The following LGALS8 variants were observed in gnomAD, a reference collection of about 807,000 sequenced individuals.
LGALS8 encodes the protein galectin 8, also known as galectin-8.
LGALS8 carries 30 observed loss-of-function variants against 35.9 expected under a neutral mutation model. That is an observed-to-expected ratio of 0.83 (90% CI 0.62 to 1.13). LGALS8 has a LOEUF of 1.13. Ranked by LOEUF, LGALS8 falls within the 50% of genes most tolerant of loss-of-function variation. The pLI, the probability that LGALS8 is intolerant of heterozygous loss-of-function variation, is 0.00. For synonymous variants in LGALS8, 138 were observed against 136.1 expected (o/e 1.01, Z -0.10); for missense variants, 366 against 388.7 (o/e 0.94, Z 0.49).
chr1:236,538,851 T>G (rs771066255), intron 3 of LGALS8, 28 bp from the exon 4 acceptor site: 1 of 1,572,574 alleles, frequency 6.4e-7, no homozygotes, highest in Admixed American at 1.7e-5. Flanking sequence ...TGAGCACTCA[T>G]GGGGCCCCTG....
intron 2 of LGALS8, among the ~76,000 whole-genome samples, chr1:236,527,211 C>G (rs2103068382): frequency 6.6e-6 from 1 of 152,318 alleles, no homozygotes; most frequent in East Asian, 1.9e-4. Context: ...AAAGGTTACA[C>G]TGTTCATTTC....
chr1:236,542,505 G>A, intron 6 of LGALS8: 1 of 539,764 alleles, frequency 1.9e-6, no homozygotes, highest in Non-Finnish European at 3.3e-6. Flanking sequence ...ATAGTTCTAT[G>A]AAAAATTATT....
chr1:236,521,037 A>C (rs1319281176), upstream of LGALS8, among the ~76,000 whole-genome samples: 1 of 152,198 alleles, frequency 6.6e-6, no homozygotes, highest in Admixed American at 6.5e-5. Context: ...CTCCCAATTT[A>C]ATCTTCTCTA....
intron 4 of LGALS8, 36 bp downstream of exon 4, chr1:236,539,125 A>G: frequency 1.3e-6 from 2 of 1,509,782 alleles, no homozygotes; most frequent in Non-Finnish European, 1.8e-6. Flanking sequence ...AGTCCTCATT[A>G]GTGAGCAGGA....
chr1:236,550,731 T>C lies in LGALS8; in HGVS notation c.*2570T>C, dbSNP rs1572026547. The C allele has an allele frequency of 1.8e-6, 1 of 557,136 alleles. No homozygotes were observed. The highest frequency in any genetic ancestry group is 3.0e-5 in the East Asian group (1 of 33,872). The allele number at this position is 557,136 out of a possible 1,614,324, so 34.5% of individuals were successfully genotyped here. On this transcript the variant is annotated 3_prime_UTR_variant, in exon 10 of 10. Transcript: ENST00000366584. ...CTATACGATAGGCAGGAGAGGCTTA[T>C]GTGGCAGCACAAGCCAGGTGGGGAT... is the stretch of plus-strand genomic sequence containing the variant.
chr1:236,550,901 C>T lies in LGALS8; in HGVS notation c.*2740C>T, dbSNP rs1305110767. The T allele has an allele frequency of 1.3e-6, 2 of 1,594,104 alleles. No homozygotes were observed. Among genetic ancestry groups the T allele is most frequent in the African/African-American group, 2.7e-5 (2 of 73,154 alleles). On this transcript the variant is annotated 3_prime_UTR_variant, in exon 10 of 10. Coordinates refer to ENST00000366584, the MANE Select transcript of LGALS8 (RefSeq NM_201544.4). ...TAGAGTATGAAACACCACAGAAAGT[C>T]TTAGAAATAGCTCTGGAGTGGCTCT...
In LGALS8 at chr1:236,543,941, A is replaced by G. The variant is rs545519997; in HGVS notation, c.638+293A>G. 1.2e-3 allele frequency among the ~76,000 whole-genome samples: 146 copies of G among 121,636 alleles called. 1 individual carries two copies. The highest frequency in any genetic ancestry group is 1.8e-3 in the Non-Finnish European group (97 of 54,982). 79.8% of individuals were successfully genotyped at this position (121,636 alleles called of 152,430 possible). A position where few individuals can be genotyped will look rare whatever the true frequency, so the allele number is the denominator to read the frequency against. ...CAGAGCAGCCCCGTAAGATCAGGCA[A>G]CATCTTTTCTTTTTTTTTTTTGAGA... On this transcript the variant is annotated intron_variant, in intron 8 of 9. Coordinates refer to ENST00000366584, the MANE Select transcript of LGALS8 (RefSeq NM_201544.4).
intron 6 of LGALS8, 97 bp from the exon 7 acceptor site, chr1:236,542,664 C>T (rs1167790394): frequency 1.1e-5 from 14 of 1,306,450 alleles, no homozygotes; most frequent in Middle Eastern, 2.2e-4. Context: ...ACATCCCAGG[C>T]TCCGGCCAGG....
chr1:236,547,161 A>G (rs1235349701), intron 9 of LGALS8, among the ~76,000 whole-genome samples: 1 of 152,190 alleles, frequency 6.6e-6, no homozygotes, highest in Admixed American at 6.5e-5. Context: ...GAGCACAGGG[A>G]GAGCTCAGTG....
chr1:236,539,346 A>G (rs1052060713), intron 4 of LGALS8: 4 of 467,534 alleles, frequency 8.6e-6, no homozygotes, highest in Non-Finnish European at 1.2e-5. Flanking sequence ...TATTTCTCCT[A>G]GCAGGGCTGA....
upstream of LGALS8, among the ~76,000 whole-genome samples, chr1:236,519,948 ATTTTTTTTTT>A (rs35589317): frequency 9.1e-6 from 1 of 109,442 alleles, no homozygotes; most frequent in East Asian, 2.4e-4. Context: ...GTTTTGTACA[ATTTTTTTTTT>A]TTTTTTTTTT....
At chr1:236,532,976 T>C (rs819420) in intron 2 of LGALS8, among the ~76,000 whole-genome samples, 148,123 of 152,334 alleles carry the variant, frequency 0.97, 72,141 homozygotes, top group Middle Eastern at 1. Flanking sequence ...CCATTGCCAC[T>C]GACCTGGAAT....
At position 236,538,998 on chromosome 1, in the gene LGALS8, A is replaced by T; in HGVS notation, c.254A>T (p.Lys85Ile). 6.2e-7 allele frequency: 1 copy of T among 1,614,198 alleles called. No individual in the cohort carries two copies. Among genetic ancestry groups the T allele is most frequent in the Non-Finnish European group, 8.5e-7 (1 of 1,180,032 alleles). ...GTTTGCAATACTTTGATAAATGAAA[A>T]ATGGGGACGGGAAGAGATCACCTAT... ...CIVCNTLINEKWGREEITYDT... is the reference protein window; with the variant it reads ...CIVCNTLINEIWGREEITYDT... The change falls in exon 4 of 10, where the codon AAA becomes ATA. Residue 85 changes from lysine to isoleucine, a missense_variant. Lys to Ile is a moderately radical substitution (Grantham distance 102). Coordinates refer to ENST00000366584, the MANE Select transcript of LGALS8 (RefSeq NM_201544.4).
intron 9 of LGALS8, among the ~76,000 whole-genome samples, chr1:236,545,709 C>T (rs1392170890): frequency 6.6e-6 from 1 of 152,194 alleles, no homozygotes. Context: ...CCCTAAGTTC[C>T]AGTCTAATGC....
At chr1:236,536,652 G>GTTA (rs1661525815) in intron 2 of LGALS8, 3 of 152,434 alleles carry the variant, frequency 2.0e-5, no homozygotes, top group Non-Finnish European at 2.9e-5. Context: ...TTGCAGTCTG[G>GTTA]GAGTCCAGCA....
Position 236,552,171 on chromosome 1 carries a change from T to C in LGALS8, c.*4010T>C. The C allele has an allele frequency of 9.5e-7, 1 of 1,056,236 alleles. No homozygotes were observed. Among genetic ancestry groups the C allele is most frequent in the Non-Finnish European group, 1.4e-6 (1 of 697,186 alleles). The allele number at this position is 1,056,236 out of a possible 1,614,324, so 65.4% of individuals were successfully genotyped here. ...TTACTGTATTTATTATCTTAAGAGC[T>C]GTACTGACTTGAGACAAGCTCTAAC... On this transcript the variant is annotated 3_prime_UTR_variant, in exon 10 of 10. Transcript: ENST00000366584.
chr1:236,537,548 A>T lies in LGALS8; in HGVS notation c.97A>T (p.Ile33Phe). ...TGATCAGCTGGATCCTGGAACTTTG[A>T]TTGTGATACGTGGGCATGTTCCTAG... ...IPDQLDPGTL[I>F]VIRGHVPSDA... The change falls in exon 3 of 10, where the codon ATT becomes TTT. Residue 33 changes from isoleucine (I) to phenylalanine (F), a missense_variant. Physicochemically the swap from Ile to Phe is conservative, Grantham distance 21. Coordinates refer to ENST00000366584, the MANE Select transcript of LGALS8 (RefSeq NM_201544.4). The T allele has an allele frequency of 6.2e-7, 1 of 1,607,170 alleles. No homozygotes were observed. The highest frequency in any genetic ancestry group is 8.5e-7 in the Non-Finnish European group (1 of 1,173,526).
chr1:236,539,658 G>T (rs28444730), intron 4 of LGALS8, among the ~76,000 whole-genome samples: 92,667 of 151,756 alleles, frequency 0.61, 29,190 homozygotes, highest in Non-Finnish European at 0.69. Context: ...TGTGGAGCTT[G>T]CCCACAGTAG....
In LGALS8 at chr1:236,540,645, A is replaced by G; in HGVS notation, c.427A>G (p.Lys143Glu). 3.1e-6 allele frequency: 5 copies of G among 1,611,922 alleles called. No homozygotes were observed. The highest frequency in any genetic ancestry group is 4.2e-6 in the Non-Finnish European group (5 of 1,179,116). Residue 143 changes from lysine (K) to glutamate (E), a missense_variant, in exon 5 of 10, where the codon AAA (lysine) becomes GAA (glutamate). Lys to Glu is a moderately conservative substitution (Grantham distance 56). Coordinates refer to ENST00000366584, the MANE Select transcript of LGALS8 (RefSeq NM_201544.4). ...EKIDTLGIYG[K>E]VNIHSIGFSF... ...AATAGACACTCTGGGCATTTATGGC[A>G]AAGTGAATATTCACTCAATTGGTTT... is the stretch of plus-strand genomic sequence containing the variant.
Sources: gnomAD v4.1 joint callset for allele counts (sites outside exome capture counted in the v4.1 genomes callset) on GRCh38, gnomAD v4.1.1 for gene constraint, MANE v1.5 for transcripts, NCBI Gene and HGNC (gene_info 2026-07-23, HGNC 2026-07-21) for gene names.